Variants in ADARB2 observed in about 807,000 individuals in gnomAD.
ADARB2 encodes the protein inactive double-stranded RNA-specific editase B2.
Under a neutral mutation model 62.2 loss-of-function variants are expected in ADARB2, and 25 were observed. The observed-to-expected ratio is 0.40, with a 90% CI of 0.29 to 0.56. The LOEUF is 0.56. Among genes scored for constraint, ADARB2 ranks in the 20% least tolerant of loss-of-function variants. The probability of loss-of-function intolerance (pLI) is 0.43; values close to 1 mark genes in which losing one functional copy is unlikely to be tolerated. For missense variants in ADARB2, 1,071 were observed against 1,077.4 expected (o/e 0.99, Z 0.08); for synonymous variants, 572 against 500.8 (o/e 1.14, Z -1.90).
At chr10:1,289,339 A>G (rs774673827) in intron 3 of ADARB2, among the ~76,000 whole-genome samples, 2 of 152,230 alleles carry the variant, frequency 1.3e-5, no homozygotes, top group Admixed American at 6.5e-5. Context: ...TGCTCCGACC[A>G]CACTGGGCAC....
At position 1,666,855 on chromosome 10, in the gene ADARB2, T is replaced by C. The variant is rs184275827; in HGVS notation, c.100+70196A>G. Reference sequence around the variant, plus strand: ...GCACAGTTGCAATTATTTGACATGATGTGTTCAACCCATCAAAGTTGACCA... The same window carrying C: ...GCACAGTTGCAATTATTTGACATGACGTGTTCAACCCATCAAAGTTGACCA... On this transcript the variant is annotated intron_variant, in intron 1 of 9. Coordinates refer to ENST00000381312, the MANE Select transcript of ADARB2 (RefSeq NM_018702.4). 1.4e-4 allele frequency among the ~76,000 whole-genome samples: 22 copies of C among 152,332 alleles called. No homozygotes were observed. The East Asian group carries it at 3.9e-3, about 27-fold the overall frequency.
At chr10:1,526,863 T>G (rs774194650) in intron 1 of ADARB2, 1 of 513,694 alleles carries the variant, frequency 1.9e-6, no homozygotes, top group Non-Finnish European at 4.1e-6. Flanking sequence ...GGCAGCCACT[T>G]CGCTGCTTGC....
At chr10:1,562,248 C>T (rs925954944) in intron 1 of ADARB2, among the ~76,000 whole-genome samples, 13 of 152,178 alleles carry the variant, frequency 8.5e-5, no homozygotes, top group Admixed American at 5.2e-4. Flanking sequence ...CTCCTGTGAG[C>T]GTGTTCGGCT....
intron 1 of ADARB2, among the ~76,000 whole-genome samples, chr10:1,482,547 G>A (rs1162098914): frequency 2.6e-5 from 4 of 152,228 alleles, no homozygotes; most frequent in African/African-American, 7.2e-5. Flanking sequence ...GTTTAATGGG[G>A]ACAGAGTTTC....
chr10:1,185,908 G>T (rs1452568608), intron 8 of ADARB2, among the ~76,000 whole-genome samples: 1 of 152,224 alleles, frequency 6.6e-6, no homozygotes, highest in Non-Finnish European at 1.5e-5. Context: ...CTGCTTTGCA[G>T]CTGGGGGTGG....
intron 1 of ADARB2, among the ~76,000 whole-genome samples, chr10:1,566,063 CAAAAAAAAAAAAAAAAAAAAAA>C (rs376967105): frequency 2.3e-5 from 3 of 128,038 alleles, no homozygotes; most frequent in African/African-American, 9.0e-5. Context: ...CTCAGTCTAG[CAAAAAAAAAAAAAAAAAAAAAA>C]AAAAAAAAAA....
At position 1,579,303 on chromosome 10, in the gene ADARB2, G is replaced by C. The variant is rs137889621; in HGVS notation, c.100+157748C>G. ...GAAGGCACAATTTACATCCTCCTAC[G>C]ATTGCCTGCGTTAGACTCAGCCACA... On this transcript the variant is annotated intron_variant, in intron 1 of 9. Transcript: ENST00000381312. Among the ~76,000 whole-genome samples the C allele has an allele frequency of 6.6e-3, 1,012 of 152,286 alleles. 2 individuals are homozygous for C. The highest frequency in any genetic ancestry group is 0.031 in the Middle Eastern group (9 of 294).
At chr10:1,326,854 C>G (rs529117873) in intron 3 of ADARB2, among the ~76,000 whole-genome samples, 2 of 50,908 alleles carry the variant, frequency 3.9e-5, no homozygotes, top group East Asian at 4.5e-4. Flanking sequence ...CAGCGCCTCC[C>G]CACTGCCCAG....
At position 1,530,631 on chromosome 10, in the gene ADARB2, C is replaced by T. The variant is rs555499087; in HGVS notation, c.101-151471G>A. Among the ~76,000 whole-genome samples, 9 of 152,288 alleles carry T rather than the reference C, an allele frequency of 5.9e-5. No individual in the cohort carries two copies. In the South Asian group the frequency reaches 1.7e-3, roughly 28 times the overall value. On this transcript the variant is annotated intron_variant, in intron 1 of 9. Transcript: ENST00000381312. ...CCCAAAGCCCTCCATGCACACCGAC[C>T]GCTTGTCGGTTTCTAGACAAGATCC...
chr10:1,375,792 A>G (rs1423214117), intron 2 of ADARB2, among the ~76,000 whole-genome samples: 2 of 138,760 alleles, frequency 1.4e-5, no homozygotes, highest in African/African-American at 5.8e-5. Flanking sequence ...ACACATGCAC[A>G]CACGCACACA....
intron 1 of ADARB2, among the ~76,000 whole-genome samples, chr10:1,622,459 A>AAT (rs541558698): frequency 1.1e-4 from 17 of 152,082 alleles, no homozygotes; most frequent in East Asian, 5.8e-4. Context: ...TTTTATCTAG[A>AAT]ATATATATAT....
intron 1 of ADARB2, among the ~76,000 whole-genome samples, chr10:1,529,805 C>A (rs1268444773): frequency 6.6e-6 from 1 of 152,142 alleles, no homozygotes; most frequent in Admixed American, 6.5e-5. Flanking sequence ...ACGCGCAGGG[C>A]AAAGGACAGG....
intron 3 of ADARB2, among the ~76,000 whole-genome samples, chr10:1,293,202 AAGAGGGAGGGAGGGAG>A (rs1831489731): frequency 2.4e-5 from 1 of 41,376 alleles, no homozygotes; most frequent in Admixed American, 2.1e-4. Flanking sequence ...GAATAGAAAA[AAGAGGGAGGGAGGGAG>A]AGAGGGACGG....
intron 1 of ADARB2, among the ~76,000 whole-genome samples, chr10:1,570,768 G>A (rs542343654): frequency 1.6e-4 from 24 of 152,300 alleles, no homozygotes; most frequent in Middle Eastern, 3.4e-3. Context: ...GGAGGACGGG[G>A]CAGATAGGAA....
intron 1 of ADARB2, among the ~76,000 whole-genome samples, chr10:1,661,260 G>A (rs143754378): frequency 6.6e-5 from 10 of 152,114 alleles, no homozygotes; most frequent in South Asian, 2.1e-4. Context: ...TGTCCCCGTC[G>A]TCACTTTCTC....
intron 1 of ADARB2, among the ~76,000 whole-genome samples, chr10:1,610,803 CACAT>C (rs1174440154): frequency 7.6e-5 from 11 of 144,762 alleles, no homozygotes; most frequent in African/African-American, 2.8e-4. Context: ...GGCACATGCA[CACAT>C]ACAGACACAT....
chr10:1,638,307 G>C (rs889992798), intron 1 of ADARB2, among the ~76,000 whole-genome samples: 1 of 152,168 alleles, frequency 6.6e-6, no homozygotes, highest in Non-Finnish European at 1.5e-5. Flanking sequence ...TCCCCATTTA[G>C]AGTTTGGGAC....
At chr10:1,234,155 A>G (rs1302138009) in intron 5 of ADARB2, among the ~76,000 whole-genome samples, 1 of 151,006 alleles carries the variant, frequency 6.6e-6, no homozygotes. Context: ...CGCCTAGTTC[A>G]TTTTTGTATT....
intron 1 of ADARB2, among the ~76,000 whole-genome samples, chr10:1,503,592 C>T (rs1044231396): frequency 3.3e-5 from 5 of 151,990 alleles, no homozygotes; most frequent in Admixed American, 6.6e-5. Flanking sequence ...CATAAAGGGC[C>T]GTGATATGGT....
Sources: allele counts gnomAD v4.1 joint callset (sites outside exome capture counted in the v4.1 genomes callset), GRCh38; gene constraint gnomAD v4.1.1; transcripts MANE v1.5; gene names NCBI Gene and HGNC (gene_info 2026-07-23, HGNC 2026-07-21).